Variants in NOVA1 observed in about 807,000 individuals in gnomAD.
NOVA1 encodes NOVA alternative splicing regulator 1.
NOVA1 carries 7 observed loss-of-function variants against 38.0 expected under a neutral mutation model. The observed-to-expected ratio is 0.18, with a 90% confidence interval of 0.10 to 0.35. NOVA1 has a LOEUF of 0.35. Among genes scored for constraint, NOVA1 ranks in the 10% least tolerant of loss-of-function variants. The probability of loss-of-function intolerance (pLI) is 1.00; values close to 1 mark genes in which losing one functional copy is unlikely to be tolerated. For missense variants in NOVA1, 460 were observed against 616.0 expected (o/e 0.75, Z 2.68); for synonymous variants, 270 against 232.5 (o/e 1.16, Z -1.47).
At chr14:26,586,072 C>A (rs1373850745) in intron 2 of NOVA1, among the ~76,000 whole-genome samples, 1 of 151,300 alleles carries the variant, frequency 6.6e-6, no homozygotes, top group African/African-American at 2.4e-5. Flanking sequence ...GTATGTTAAA[C>A]ACACAGCAGG....
intron 4 of NOVA1, chr14:26,470,430 CG>C (rs1566450311): frequency 6.5e-7 from 1 of 1,538,558 alleles, no homozygotes; most frequent in Non-Finnish European, 9.0e-7. Flanking sequence ...CAATGAATTA[CG>C]GATTTTGTTT....
In NOVA1 at chr14:26,490,203, G is replaced by C. The variant is rs190436553; in HGVS notation, c.281-10060C>G. On this transcript the variant is annotated intron_variant, in intron 2 of 4. Transcript: ENST00000539517. ...CAAAAATTCATTCCCTTATTACAGC[G>C]TAACAATATTCCATTGCATGTTACA... Among the ~76,000 whole-genome samples, 1,229 of 152,218 alleles carry C rather than the reference G, an allele frequency of 8.1e-3. 43 individuals are homozygous for C. The highest frequency in any genetic ancestry group is 0.035 in the Admixed American group (540 of 15,282).
intron 2 of NOVA1, among the ~76,000 whole-genome samples, chr14:26,556,381 G>A (rs1891480793): frequency 1.3e-5 from 2 of 152,082 alleles, no homozygotes; most frequent in South Asian, 2.1e-4. Context: ...CTAAAGAGAG[G>A]AGGTAATTCA....
chr14:26,522,695 C>T (rs1416154981), intron 2 of NOVA1, among the ~76,000 whole-genome samples: 1 of 152,010 alleles, frequency 6.6e-6, no homozygotes, highest in Non-Finnish European at 1.5e-5. Context: ...TCAGAATATT[C>T]ATCTTCTATT....
chr14:26,569,535 TAAGAA>T, intron 2 of NOVA1, among the ~76,000 whole-genome samples: 2 of 152,372 alleles, frequency 1.3e-5, no homozygotes, highest in East Asian at 1.9e-4. Flanking sequence ...AATGATACGT[TAAGAA>T]AAGTTTCCAA....
intron 4 of NOVA1, among the ~76,000 whole-genome samples, chr14:26,468,472 T>C (rs1431504540): frequency 6.6e-6 from 1 of 152,238 alleles, no homozygotes; most frequent in Non-Finnish European, 1.5e-5. Context: ...GCTTAAGTCA[T>C]GCATGGGCTC....
intron 2 of NOVA1, among the ~76,000 whole-genome samples, chr14:26,508,795 G>A (rs1349292416): frequency 6.6e-6 from 1 of 151,348 alleles, no homozygotes; most frequent in Non-Finnish European, 1.5e-5. Flanking sequence ...ATAAATAAAT[G>A]GAGTAACATA....
Position 26,563,878 on chromosome 14 carries a change from C to T in NOVA1, c.280+31532G>A, listed in dbSNP as rs555117901. Among the ~76,000 whole-genome samples, 5 of 152,162 alleles carry T rather than the reference C, an allele frequency of 3.3e-5. No individual in the cohort carries two copies. In the East Asian group the frequency reaches 9.7e-4, roughly 29 times the overall value. ...TTATTCTGTTTATATACAAAAAACTCAAATAACTTTAGACCTAAAAAAGCC... is the reference window on the plus strand; with the variant it reads ...TTATTCTGTTTATATACAAAAAACTTAAATAACTTTAGACCTAAAAAAGCC... On this transcript the variant is annotated intron_variant, in intron 2 of 4. Coordinates refer to ENST00000539517, the MANE Select transcript of NOVA1 (RefSeq NM_002515.3).
intron 3 of NOVA1, among the ~76,000 whole-genome samples, chr14:26,473,547 T>C (rs1469940952): frequency 3.3e-5 from 5 of 151,984 alleles, no homozygotes; most frequent in Non-Finnish European, 7.4e-5. Context: ...ATGAAATTAC[T>C]TGAAGTCATA....
chr14:26,571,740 T>C (rs1324621514), intron 2 of NOVA1, among the ~76,000 whole-genome samples: 2 of 152,180 alleles, frequency 1.3e-5, no homozygotes, highest in Non-Finnish European at 2.9e-5. Flanking sequence ...TGGACAACTG[T>C]CACATAGAAG....
At chr14:26,527,398 T>C (rs555681319) in intron 2 of NOVA1, among the ~76,000 whole-genome samples, 1 of 152,138 alleles carries the variant, frequency 6.6e-6, no homozygotes, top group South Asian at 2.1e-4. Flanking sequence ...AATAAGCTGA[T>C]CAGACTTGCA....
At chr14:26,490,477 C>T (rs1886249440) in intron 2 of NOVA1, among the ~76,000 whole-genome samples, 1 of 152,162 alleles carries the variant, frequency 6.6e-6, no homozygotes, top group African/African-American at 2.4e-5. Context: ...AAAAGGGTTC[C>T]AATTTCTGTA....
chr14:26,571,563 A>G (rs913771461), intron 2 of NOVA1, among the ~76,000 whole-genome samples: 3 of 152,196 alleles, frequency 2.0e-5, no homozygotes, highest in Non-Finnish European at 2.9e-5. Context: ...AAGAGCGAGG[A>G]GGCTCCAGCA....
At position 26,597,823 on chromosome 14, in the gene NOVA1, T is replaced by A; in HGVS notation, c.-387A>T. ...AGAGGGAGTGGGAGAGCGCGAGGGCTGGCGGGGCGCGGGGAGAAGCCGAGG... is the reference window on the plus strand; with the variant it reads ...AGAGGGAGTGGGAGAGCGCGAGGGCAGGCGGGGCGCGGGGAGAAGCCGAGG... On this transcript the variant is annotated 5_prime_UTR_variant, in exon 1 of 5. Coordinates refer to ENST00000539517, the MANE Select transcript of NOVA1 (RefSeq NM_002515.3). 1 of 278,646 alleles carries A rather than the reference T, an allele frequency of 3.6e-6. No individual in the cohort carries two copies. Among genetic ancestry groups the A allele is most frequent in the Non-Finnish European group, 5.2e-6 (1 of 193,064 alleles). 17.3% of individuals were successfully genotyped at this position (278,646 alleles called of 1,614,324 possible). A position where few individuals can be genotyped will look rare whatever the true frequency, so the allele number is the denominator to read the frequency against.
intron 4 of NOVA1, among the ~76,000 whole-genome samples, chr14:26,451,470 C>A (rs1052163331): frequency 1.3e-5 from 2 of 152,016 alleles, no homozygotes; most frequent in East Asian, 1.9e-4. Context: ...CGGGTTCAAG[C>A]GATTCTCCTG....
chr14:26,491,307 C>A (rs946559102), intron 2 of NOVA1, among the ~76,000 whole-genome samples: 1 of 151,980 alleles, frequency 6.6e-6, no homozygotes, highest in African/African-American at 2.4e-5. Context: ...GGGTTTTATT[C>A]GTTGAGTTTT....
In NOVA1 at chr14:26,500,877, T is replaced by A. The variant is rs178195; in HGVS notation, c.281-20734A>T. On this transcript the variant is annotated intron_variant, in intron 2 of 4. Transcript: ENST00000539517. ...TACAATATTTGTCATATAATATGAT[T>A]TATGAAAAAAATATATCTCTGGTCA... is the stretch of plus-strand genomic sequence containing the variant. Among the ~76,000 whole-genome samples the A allele has an allele frequency of 2.5e-3, 374 of 151,936 alleles. 5 individuals carry two copies. The highest frequency in any genetic ancestry group is 0.023 in the Admixed American group (350 of 15,266).
chr14:26,509,389 GA>G (rs1887886416), intron 2 of NOVA1, among the ~76,000 whole-genome samples: 2 of 152,156 alleles, frequency 1.3e-5, no homozygotes, highest in South Asian at 4.1e-4. Context: ...TAGTGGGAGT[GA>G]AAAGATTGAA....
intron 2 of NOVA1, among the ~76,000 whole-genome samples, chr14:26,528,012 T>C (rs933196857): frequency 2.0e-5 from 3 of 152,166 alleles, no homozygotes; most frequent in African/African-American, 7.2e-5. Context: ...AAAAGCAGTC[T>C]GGGTTCTAAG....
Sources: allele counts gnomAD v4.1 joint callset (sites outside exome capture counted in the v4.1 genomes callset), GRCh38; gene constraint gnomAD v4.1.1; transcripts MANE v1.5; gene names NCBI Gene and HGNC (gene_info 2026-07-23, HGNC 2026-07-21).